The following SCAPER variants were observed in gnomAD, a reference collection of about 807,000 sequenced individuals.
SCAPER encodes S-phase cyclin A associated protein in the ER.
A neutral mutation model predicts 182.2 loss-of-function variants in SCAPER; 98 were observed. The observed-to-expected ratio is 0.54, with a 90% CI of 0.46 to 0.64. The LOEUF (loss-of-function observed/expected upper bound fraction) is 0.64. Ranked by LOEUF, SCAPER falls within the 30% of genes least tolerant of loss-of-function variation. The pLI is 0.00. For missense variants in SCAPER, 1,432 were observed against 1,690.0 expected (o/e 0.85, Z 2.68); for synonymous variants, 605 against 564.6 (o/e 1.07, Z -1.01).
chr15:76,674,974 A>G (rs370542166), intron 20 of SCAPER, among the ~76,000 whole-genome samples: 30 of 152,340 alleles, frequency 2.0e-4, no homozygotes, highest in African/African-American at 7.2e-4. Context: ...GGAAGCAGAA[A>G]GAAAACCTCC....
chr15:76,507,630 A>G (rs970604514), intron 23 of SCAPER, among the ~76,000 whole-genome samples: 1 of 152,214 alleles, frequency 6.6e-6, no homozygotes, highest in African/African-American at 2.4e-5. Context: ...TATTGTCTCC[A>G]GCACATGTCT....
chr15:76,876,725 T>C (rs2073191469), intron 2 of SCAPER, among the ~76,000 whole-genome samples: 1 of 152,088 alleles, frequency 6.6e-6, no homozygotes, highest in Admixed American at 6.5e-5. Flanking sequence ...ACTTTTAAAT[T>C]CTTAGCAAAC....
At chr15:76,726,948 G>A (rs1490118596) in intron 17 of SCAPER, among the ~76,000 whole-genome samples, 1 of 151,900 alleles carries the variant, frequency 6.6e-6, no homozygotes, top group Non-Finnish European at 1.5e-5. Context: ...AAATATCAAT[G>A]TACTCAAGGC....
intron 16 of SCAPER, among the ~76,000 whole-genome samples, chr15:76,729,827 A>G (rs1181670326): frequency 6.6e-6 from 1 of 152,166 alleles, no homozygotes; most frequent in Non-Finnish European, 1.5e-5. Context: ...TAAATCATGA[A>G]AACTGGGTAA....
chr15:76,454,089 C>G (rs1389955476), intron 25 of SCAPER, among the ~76,000 whole-genome samples: 1 of 152,204 alleles, frequency 6.6e-6, no homozygotes, highest in Non-Finnish European at 1.5e-5. Flanking sequence ...CTACTTATGT[C>G]ACCGGCTAGA....
intron 23 of SCAPER, among the ~76,000 whole-genome samples, chr15:76,512,089 T>C (rs947834878): frequency 4.6e-5 from 7 of 151,696 alleles, no homozygotes; most frequent in Non-Finnish European, 8.8e-5. Flanking sequence ...GGTTTCACCA[T>C]GTTGGTCAGG....
chr15:76,778,021 G>T (rs1598667175), intron 8 of SCAPER, among the ~76,000 whole-genome samples: 1 of 152,108 alleles, frequency 6.6e-6, no homozygotes, highest in South Asian at 2.1e-4. Context: ...ATACTATACT[G>T]ATAGTGAAAA....
intron 27 of SCAPER, among the ~76,000 whole-genome samples, chr15:76,386,121 CTCTT>C (rs1406918842): frequency 6.6e-6 from 1 of 152,176 alleles, no homozygotes; most frequent in Non-Finnish European, 1.5e-5. Context: ...ATCTTCAAAT[CTCTT>C]TCTAACGCTG....
At position 76,674,781 on chromosome 15, in the gene SCAPER, T is replaced by C. The variant is rs117444268; in HGVS notation, c.2509-8992A>G. The stretch of plus-strand genomic sequence containing the variant: ...GTATTTTGGTGCTTCTATAGCAGCT[T>C]AGACCTTTCCCTAATACAATTATGC... On this transcript the variant is annotated intron_variant, in intron 20 of 31. Coordinates refer to ENST00000563290, the MANE Select transcript of SCAPER (RefSeq NM_020843.4). Among the ~76,000 whole-genome samples, 107 of 152,306 alleles carry C rather than the reference T, an allele frequency of 7.0e-4. 1 individual carries two copies. The East Asian group carries it at 0.019, about 27-fold the overall frequency.
intron 8 of SCAPER, among the ~76,000 whole-genome samples, chr15:76,782,653 TA>T (rs1299246278): frequency 6.6e-6 from 1 of 152,060 alleles, no homozygotes. Context: ...TCAGCAAATG[TA>T]AAAGGATAAA....
At chr15:76,518,576 C>T (rs969051769) in intron 23 of SCAPER, among the ~76,000 whole-genome samples, 14 of 152,134 alleles carry the variant, frequency 9.2e-5, no homozygotes, top group Admixed American at 9.2e-4. Flanking sequence ...TATCTGGAGC[C>T]TGCTCTCTGG....
chr15:76,542,913 T>C (rs1009643314), intron 23 of SCAPER, among the ~76,000 whole-genome samples: 10 of 152,202 alleles, frequency 6.6e-5, no homozygotes, highest in African/African-American at 1.7e-4. Flanking sequence ...CTCTTGGTTT[T>C]TAATACTCAA....
At chr15:76,679,334 G>A (rs1488771956) in intron 20 of SCAPER, among the ~76,000 whole-genome samples, 1 of 152,078 alleles carries the variant, frequency 6.6e-6, no homozygotes, top group Non-Finnish European at 1.5e-5. Flanking sequence ...GAAAAAGACT[G>A]ACAGTTCCAT....
At chr15:76,589,703 G>A (rs751838576) in intron 22 of SCAPER, among the ~76,000 whole-genome samples, 3 of 152,168 alleles carry the variant, frequency 2.0e-5, no homozygotes, top group South Asian at 4.1e-4. Context: ...CTGGCCAGGA[G>A]ACTTCGCGTT....
At chr15:76,549,184 T>C (rs982656836) in intron 23 of SCAPER, among the ~76,000 whole-genome samples, 3 of 152,130 alleles carry the variant, frequency 2.0e-5, no homozygotes, top group Non-Finnish European at 4.4e-5. Flanking sequence ...AAAACCATTG[T>C]GGAAGTCAGT....
intron 21 of SCAPER, among the ~76,000 whole-genome samples, chr15:76,643,871 AAACCAAG>A (rs2054315845): frequency 2.6e-5 from 4 of 152,144 alleles, no homozygotes; most frequent in African/African-American, 4.8e-5. Context: ...TCCTCCCCTA[AAACCAAG>A]TGAATCAGAA....
intron 17 of SCAPER, among the ~76,000 whole-genome samples, chr15:76,715,247 CA>C (rs1366488739): frequency 6.6e-6 from 1 of 151,876 alleles, no homozygotes; most frequent in East Asian, 1.9e-4. Flanking sequence ...TCTGGCACAC[CA>C]AAGTAATTGC....
intron 8 of SCAPER, among the ~76,000 whole-genome samples, chr15:76,784,667 G>T (rs2064443663): frequency 6.6e-6 from 1 of 152,104 alleles, no homozygotes; most frequent in Non-Finnish European, 1.5e-5. Flanking sequence ...AAAACAGCAT[G>T]GTACCAGTAC....
intron 29 of SCAPER, among the ~76,000 whole-genome samples, chr15:76,371,906 G>A (rs1204679566): frequency 6.6e-6 from 1 of 151,304 alleles, no homozygotes; most frequent in African/African-American, 2.4e-5. Flanking sequence ...CAACAAGAGC[G>A]AAACTCTGTC....
Sources: gnomAD v4.1 joint callset for allele counts (sites outside exome capture counted in the v4.1 genomes callset) on GRCh38, gnomAD v4.1.1 for gene constraint, MANE v1.5 for transcripts, NCBI Gene and HGNC (gene_info 2026-07-23, HGNC 2026-07-21) for gene names.